The following JAM3 variants were observed in gnomAD, a reference collection of about 807,000 sequenced individuals.
JAM3 encodes junctional adhesion molecule C.
JAM3 carries 31 observed loss-of-function variants against 39.4 expected under a neutral mutation model. That is an observed-to-expected ratio of 0.79 (90% CI 0.59 to 1.06). The LOEUF is 1.06. Among genes scored for constraint, JAM3 ranks in the 50% least tolerant of loss-of-function variants. JAM3 has a pLI of 0.00. For synonymous variants in JAM3, 182 were observed against 148.7 expected (o/e 1.22, Z -1.63); for missense variants, 455 against 391.4 (o/e 1.16, Z -1.37).
chr11:134,133,284 G>A (rs566890894), intron 1 of JAM3, among the ~76,000 whole-genome samples: 1 of 151,904 alleles, frequency 6.6e-6, no homozygotes. Context: ...TTCCTTTTTT[G>A]TCCTTTTCTT....
Position 134,149,304 on chromosome 11 carries a change from G to T in JAM3, c.*123G>T. 1 of 1,226,212 alleles carries T rather than the reference G, an allele frequency of 8.2e-7. No homozygotes were observed. The allele number at this position is 1,226,212 out of a possible 1,614,324, so 76.0% of individuals were successfully genotyped here. ...CTAGACACTCATTCAGAAGCTTTTC[G>T]TTTTGGCCAAAGTTGACCACTACTC... On this transcript the variant is annotated 3_prime_UTR_variant, in exon 9 of 9. Transcript: ENST00000299106.
intron 3 of JAM3, among the ~76,000 whole-genome samples, chr11:134,142,480 C>G (rs1300979130): frequency 1.3e-5 from 2 of 152,222 alleles, no homozygotes; most frequent in African/African-American, 4.8e-5. Context: ...CCCTTCATGT[C>G]CTTGTCAGCA....
At chr11:134,112,367 C>T (rs1352188219) in intron 1 of JAM3, among the ~76,000 whole-genome samples, 2 of 152,200 alleles carry the variant, frequency 1.3e-5, no homozygotes, top group South Asian at 4.1e-4. Flanking sequence ...GGATTACAGG[C>T]GTGAGACACC....
chr11:134,116,898 C>T (rs572261272), intron 1 of JAM3, among the ~76,000 whole-genome samples: 1 of 152,186 alleles, frequency 6.6e-6, no homozygotes, highest in Admixed American at 6.5e-5. Flanking sequence ...CTAGCATTTT[C>T]CCCTTGCATA....
intron 1 of JAM3, among the ~76,000 whole-genome samples, chr11:134,127,081 A>G (rs1942663181): frequency 1.3e-5 from 2 of 152,198 alleles, no homozygotes; most frequent in Admixed American, 1.3e-4. Context: ...CAAAGCGTGT[A>G]GTTAATCTCT....
At chr11:134,071,293 G>A (rs559924892) in intron 1 of JAM3, among the ~76,000 whole-genome samples, 1 of 152,348 alleles carries the variant, frequency 6.6e-6, no homozygotes, top group East Asian at 1.9e-4. Flanking sequence ...GAAGTATGGA[G>A]AGATTCAGAC....
Position 134,149,496 on chromosome 11 carries a change from C to G in JAM3, c.*315C>G, listed in dbSNP as rs973506321. 2 of 508,712 alleles carry G rather than the reference C, an allele frequency of 3.9e-6. No homozygotes were observed. The highest frequency in any genetic ancestry group is 1.9e-5 in the African/African-American group (1 of 51,998). The allele number at this position is 508,712 out of a possible 1,614,324, so 31.5% of individuals were successfully genotyped here. On this transcript the variant is annotated 3_prime_UTR_variant, in exon 9 of 9. Transcript: ENST00000299106. ...AGGGTGATCTTAAAGAGTTTGCTCACGTAAACGCCCGTGCTGGGCCCTGTG... is the reference window on the plus strand; with the variant it reads ...AGGGTGATCTTAAAGAGTTTGCTCAGGTAAACGCCCGTGCTGGGCCCTGTG...
At chr11:134,102,222 C>T (rs1253357076) in intron 1 of JAM3, among the ~76,000 whole-genome samples, 1 of 152,182 alleles carries the variant, frequency 6.6e-6, no homozygotes, top group African/African-American at 2.4e-5. Context: ...CGCTGTCCTG[C>T]AGCCTCCGCT....
rs750752595 is a variant in JAM3 at position 134,145,030 on chromosome 11, C to T, written c.612+36C>T. The T allele has an allele frequency of 2.0e-6, 3 of 1,509,216 alleles. No individual in the cohort carries two copies. The African/African-American group carries it at 4.1e-5, about 21-fold the overall frequency. 93.5% of individuals were successfully genotyped at this position (1,509,216 alleles called of 1,614,324 possible). On this transcript the variant is annotated intron_variant, in intron 5 of 8. Coordinates refer to ENST00000299106, the MANE Select transcript of JAM3 (RefSeq NM_032801.5). ...TTCTAAGAGGTGAGGATGGAGATGT[C>T]TTTGTTGGGGCAAGAGATGCTTATT...
chr11:134,145,917 G>T, intron 5 of JAM3, 29 bp from the exon 6 acceptor site: 1 of 1,512,782 alleles, frequency 6.6e-7, no homozygotes, highest in South Asian at 1.1e-5. Flanking sequence ...TGATGGGTCC[G>T]ATTATTTACT....
At chr11:134,079,964 C>T (rs981416323) in intron 1 of JAM3, among the ~76,000 whole-genome samples, 2 of 149,510 alleles carry the variant, frequency 1.3e-5, no homozygotes, top group Non-Finnish European at 3.0e-5. Context: ...TCAGAACCCT[C>T]GTTTTTGTTT....
chr11:134,073,576 A>C (rs1941516461), intron 1 of JAM3, among the ~76,000 whole-genome samples: 1 of 152,120 alleles, frequency 6.6e-6, no homozygotes, highest in Non-Finnish European at 1.5e-5. Flanking sequence ...GTTTAGTACA[A>C]CACCCATTTA....
intron 1 of JAM3, among the ~76,000 whole-genome samples, chr11:134,102,635 C>T (rs1942097781): frequency 6.6e-6 from 1 of 152,124 alleles, no homozygotes; most frequent in African/African-American, 2.4e-5. Flanking sequence ...AGACAAATGG[C>T]TAACTAGAGT....
intron 1 of JAM3, among the ~76,000 whole-genome samples, chr11:134,107,879 CAG>C (rs1942228161): frequency 7.0e-6 from 1 of 142,182 alleles, no homozygotes; most frequent in South Asian, 2.2e-4. Flanking sequence ...AATAAATAAA[CAG>C]AAAAATAGGA....
Position 134,101,353 on chromosome 11 carries a change from A to C in JAM3, c.76+32194A>C, listed in dbSNP as rs553088722. ...ATCTTTTCAAGGAGGACAGCTATTTAACTATAAGTAGAGTCATTTGAAATG... is the reference window on the plus strand; with the variant it reads ...ATCTTTTCAAGGAGGACAGCTATTTCACTATAAGTAGAGTCATTTGAAATG... On this transcript the variant is annotated intron_variant, in intron 1 of 8. Transcript: ENST00000299106. Among the ~76,000 whole-genome samples the C allele has an allele frequency of 9.8e-5, 15 of 152,346 alleles. No individual in the cohort carries two copies. In the South Asian group the frequency reaches 2.5e-3, roughly 25 times the overall value.
chr11:134,069,160 G>A lies in JAM3; in HGVS notation c.76+1G>A, dbSNP rs369985999. The A allele has an allele frequency of 2.5e-6, 4 of 1,612,622 alleles. No homozygotes were observed. In the African/African-American group the frequency reaches 5.3e-5, roughly 22 times the overall value. On this transcript the variant is annotated splice_donor_variant, in intron 1 of 8. Transcript: ENST00000299106. LOFTEE classifies it high-confidence loss of function. ...TTCTTCCTGCTGCTGCTTTTCAGGG[G>A]TGAGTTTGCGCGTTTCCGCTGTTGG...
intron 1 of JAM3, among the ~76,000 whole-genome samples, chr11:134,133,976 A>G (rs1234376264): frequency 6.6e-6 from 1 of 152,204 alleles, no homozygotes; most frequent in East Asian, 1.9e-4. Flanking sequence ...ACTCTGATTA[A>G]TATGCTAAGG....
chr11:134,147,592 T>C (rs1943100404), intron 6 of JAM3, among the ~76,000 whole-genome samples: 1 of 151,784 alleles, frequency 6.6e-6, no homozygotes, highest in Non-Finnish European at 1.5e-5. Context: ...GTTCACACCT[T>C]TCTCCTGCCT....
At position 134,151,525 on chromosome 11, in the gene JAM3, AG is replaced by A. The variant is rs1943234778; in HGVS notation, c.*2345del. On this transcript the variant is annotated 3_prime_UTR_variant, in exon 9 of 9. Coordinates refer to ENST00000299106, the MANE Select transcript of JAM3 (RefSeq NM_032801.5). ...GGGAACCAGGTCTGAAAAAGTAGAG[AG>A]AAGTGAAAGTAGAGTCTGGGAAGTA... 6.6e-6 allele frequency: 1 copy of A among 152,224 alleles called. No homozygotes were observed. The highest frequency in any genetic ancestry group is 2.4e-5 in the African/African-American group (1 of 41,438). 9.4% of individuals were successfully genotyped at this position (152,224 alleles called of 1,614,324 possible).
Sources: allele counts gnomAD v4.1 joint callset (sites outside exome capture counted in the v4.1 genomes callset), GRCh38; gene constraint gnomAD v4.1.1; transcripts MANE v1.5; gene names NCBI Gene and HGNC (gene_info 2026-07-23, HGNC 2026-07-21).